The following REM2 variants were observed in gnomAD, a reference collection of about 807,000 sequenced individuals.
The protein encoded by REM2 is RRAD and GEM like GTPase 2, also known as GTP-binding protein REM 2.
In REM2, 24 loss-of-function variants were observed where a neutral mutation model predicts 24.4. The observed-to-expected ratio is 0.98, with a 90% CI of 0.71 to 1.38. REM2 has a LOEUF of 1.38. Ranked by LOEUF, REM2 falls within the 40% of genes most tolerant of loss-of-function variation. The pLI is 0.00. For synonymous variants in REM2, 187 were observed against 198.0 expected, an observed-to-expected ratio of 0.94 and a Z score of 0.47; for missense variants, 429 against 467.8, an observed-to-expected ratio of 0.92 and a Z score of 0.77.
chr14:22,884,863 C>T lies in REM2; in HGVS notation c.293C>T (p.Ser98Phe), dbSNP rs750382226. 3.7e-6 allele frequency: 6 copies of T among 1,613,970 alleles called. No individual in the cohort carries two copies. The highest frequency in any genetic ancestry group is 5.1e-6 in the Non-Finnish European group (6 of 1,179,864). ...CCTCAGGCCTCATCCTCTGGCTCGT[C>T]TGACTCCTTGGGCTCAGGGGAGGCA... Reference protein sequence around the residue: ...WPPQASSSGSSDSLGSGEAAP... With the variant: ...WPPQASSSGSFDSLGSGEAAP... The change falls in exon 2 of 5, where the codon TCT becomes TTT. Residue 98 changes from serine (S) to phenylalanine (F), a missense_variant. Ser to Phe is a radical substitution (Grantham distance 155, BLOSUM62 -2). Coordinates refer to ENST00000267396, the MANE Select transcript of REM2 (RefSeq NM_173527.3).
chr14:22,886,204 G>A lies in REM2; in HGVS notation c.700G>A (p.Ala234Thr). 1 of 1,613,540 alleles carries A rather than the reference G, an allele frequency of 6.2e-7. No homozygotes were observed. Among genetic ancestry groups the A allele is most frequent in the South Asian group, 1.1e-5 (1 of 91,002 alleles). The part of the protein sequence containing the change: ...VILVGNKSDL[A>T]RSREVSLEEG... ...CCTCGTTGGAAACAAGAGCGACTTGGCCCGCTCCCGGGAGGTATCACTGGA... is the reference window on the plus strand; with the variant it reads ...CCTCGTTGGAAACAAGAGCGACTTGACCCGCTCCCGGGAGGTATCACTGGA... Residue 234 changes from alanine to threonine, a missense_variant, in exon 4 of 5, where the codon GCC becomes ACC. Ala to Thr is a moderately conservative substitution (Grantham distance 58, BLOSUM62 0). Coordinates refer to ENST00000267396, the MANE Select transcript of REM2 (RefSeq NM_173527.3). The surrounding 1 kb of genome is among the most constrained non-coding windows in gnomAD (Gnocchi z 5.9).
rs545604741 is a variant in REM2 at position 22,886,346 on chromosome 14, G to C, written c.727+115G>C. On this transcript the variant is annotated intron_variant, in intron 4 of 4. Coordinates refer to ENST00000267396, the MANE Select transcript of REM2 (RefSeq NM_173527.3). The surrounding 1 kb of genome is among the most constrained non-coding windows in gnomAD (Gnocchi z 5.9). ...TCGCGGACGCACTCACTTGCAATCA[G>C]ACCCAGGCTAGGGGGACACTCCCAA... is the stretch of plus-strand genomic sequence containing the variant. 1,858 of 979,342 alleles carry C rather than the reference G, an allele frequency of 1.9e-3. 3 individuals are homozygous for C. The highest frequency in any genetic ancestry group is 2.7e-3 in the Non-Finnish European group (1,701 of 639,344). 60.7% of individuals were successfully genotyped at this position (979,342 alleles called of 1,614,324 possible).
Position 22,886,833 on chromosome 14 carries a change from T to G in REM2, c.947T>G (p.Leu316Arg). The G allele has an allele frequency of 6.5e-7, 1 of 1,548,034 alleles. No homozygotes were observed. Among genetic ancestry groups the G allele is most frequent in the Non-Finnish European group, 8.7e-7 (1 of 1,146,092 alleles). ...CTCACCAAGAAAGCCAAGAGGTTCC[T>G]CGCCAACCTGGTGCCGCGCAACGCC... ...ESLTKKAKRF[L>R]ANLVPRNAKF... Residue 316 changes from leucine to arginine, a missense_variant, in exon 5 of 5, where the codon CTC becomes CGC. Coordinates refer to ENST00000267396, the MANE Select transcript of REM2 (RefSeq NM_173527.3). This position sits in a 1 kb window ranked among gnomAD's most constrained non-coding sequence, Gnocchi z 5.9.
intron 1 of REM2, chr14:22,883,954 A>G (rs1039324205): frequency 1.4e-4 from 126 of 897,188 alleles, no homozygotes; most frequent in Non-Finnish European, 1.7e-4. Flanking sequence ...CTACTGCTCT[A>G]TGAACACAAT....
In REM2 at chr14:22,886,567, G is replaced by A. The variant is rs936710635; in HGVS notation, c.728-47G>A. 7 of 1,435,918 alleles carry A rather than the reference G, an allele frequency of 4.9e-6. No homozygotes were observed. The highest frequency in any genetic ancestry group is 6.4e-6 in the Non-Finnish European group (7 of 1,093,786). 88.9% of individuals were successfully genotyped at this position (1,435,918 alleles called of 1,614,324 possible). A position where few individuals can be genotyped will look rare whatever the true frequency, so the allele number is the denominator to read the frequency against. On this transcript the variant is annotated intron_variant, in intron 4 of 4. Coordinates refer to ENST00000267396, the MANE Select transcript of REM2 (RefSeq NM_173527.3). This position sits in a 1 kb window ranked among gnomAD's most constrained non-coding sequence, Gnocchi z 5.9. ...CCCTCCCTAGACCCACCCTCGCCCC[G>A]GGTCCCGTACAGCCCAGCGGGCGCC...
chr14:22,884,020 G>A (rs185580369), intron 1 of REM2: 38 of 984,692 alleles, frequency 3.9e-5, no homozygotes, highest in African/African-American at 7.0e-5. Flanking sequence ...ATCCAACCAC[G>A]CAATGAGGGA....
At position 22,886,008 on chromosome 14, in the gene REM2, C is replaced by T. The variant is rs201654042; in HGVS notation, c.520-16C>T. The T allele has an allele frequency of 1.2e-6, 2 of 1,609,144 alleles. No individual in the cohort carries two copies. Among genetic ancestry groups the T allele is most frequent in the East Asian group, 2.2e-5 (1 of 44,852 alleles). ...TCCTATGCCTCCAGCCCTAACGTTC[C>T]TCTGCCTGTCTGCAGGGGGATGCAG... On this transcript the variant is annotated splice_polypyrimidine_tract_variant and intron_variant, in intron 3 of 4. Transcript: ENST00000267396. This position sits in a 1 kb window ranked among gnomAD's most constrained non-coding sequence, Gnocchi z 5.9.
chr14:22,884,780 T>TG lies in REM2; in HGVS notation c.211dup (p.Val71GlyfsTer15). ...CCCCCAGACGAAGAGGCAGTATGCC[T>TG]GTCCCCTACAAGCACCAGCTCCGGC... On this transcript the variant is annotated frameshift_variant, in exon 2 of 5. Transcript: ENST00000267396. LOFTEE classifies it high-confidence loss of function. 1 of 1,614,072 alleles carries TG rather than the reference T, an allele frequency of 6.2e-7. No homozygotes were observed. Among genetic ancestry groups the TG allele is most frequent in the Non-Finnish European group, 8.5e-7 (1 of 1,179,900 alleles).
intron 2 of REM2, 24 bp downstream of exon 2, chr14:22,885,039 G>C (rs1370371286): frequency 1.3e-6 from 2 of 1,522,882 alleles, no homozygotes; most frequent in African/African-American, 2.8e-5. Flanking sequence ...CCCTCCAGGG[G>C]TTGAGGGGGC....
In REM2 at chr14:22,887,129, G is replaced by A. The variant is rs1389233026; in HGVS notation, c.*220G>A. 2.2e-5 allele frequency: 9 copies of A among 411,884 alleles called. No individual in the cohort carries two copies. The highest frequency in any genetic ancestry group is 8.7e-5 in the Admixed American group (2 of 22,944). 25.5% of individuals were successfully genotyped at this position (411,884 alleles called of 1,614,324 possible). ...GTTCTCTGGAGCTTTGGGCCTCAGGGCGCCTAGAAGGCGAGGACGCAGACC... is the reference window on the plus strand; with the variant it reads ...GTTCTCTGGAGCTTTGGGCCTCAGGACGCCTAGAAGGCGAGGACGCAGACC... On this transcript the variant is annotated 3_prime_UTR_variant, in exon 5 of 5. Coordinates refer to ENST00000267396, the MANE Select transcript of REM2 (RefSeq NM_173527.3).
chr14:22,884,507 T>C, intron 1 of REM2, 167 bp from the exon 2 acceptor site: 4 of 985,428 alleles, frequency 4.1e-6, no homozygotes, highest in Non-Finnish European at 4.8e-6. Context: ...CTGGAGACTT[T>C]AGTGTAAGAG....
intron 1 of REM2, chr14:22,884,076 TCA>T (rs930599634): frequency 3.5e-5 from 33 of 955,622 alleles, no homozygotes; most frequent in Middle Eastern, 5.3e-4. Flanking sequence ...TCTCTCTCTC[TCA>T]CACACACACA....
chr14:22,883,926 ATCTC>A (rs1380489303), intron 1 of REM2, among the ~76,000 whole-genome samples: 4 of 135,726 alleles, frequency 2.9e-5, no homozygotes, highest in South Asian at 2.4e-4. Flanking sequence ...CACACACACT[ATCTC>A]TCTCTCTCTA....
Position 22,887,065 on chromosome 14 carries a change from C to T in REM2, c.*156C>T, listed in dbSNP as rs1189664719. 1 of 578,724 alleles carries T rather than the reference C, an allele frequency of 1.7e-6. No individual in the cohort carries two copies. The highest frequency in any genetic ancestry group is 4.9e-4 in the Middle Eastern group (1 of 2,040). The allele number at this position is 578,724 out of a possible 1,614,324, so 35.8% of individuals were successfully genotyped here. On this transcript the variant is annotated 3_prime_UTR_variant, in exon 5 of 5. Coordinates refer to ENST00000267396, the MANE Select transcript of REM2 (RefSeq NM_173527.3). ...CCCGGTGTGACCGCCGGGGGCGGCC[C>T]GGGGCCGCTCGGCGGCACCTCCACA...
At position 22,886,327 on chromosome 14, in the gene REM2, A is replaced by T; in HGVS notation, c.727+96A>T. On this transcript the variant is annotated intron_variant, in intron 4 of 4. Transcript: ENST00000267396. The surrounding 1 kb of genome is among the most constrained non-coding windows in gnomAD (Gnocchi z 5.9). ...CCCTAAGGCCTTTTTACCATCGCGG[A>T]CGCACTCACTTGCAATCAGACCCAG... The T allele has an allele frequency of 8.6e-7, 1 of 1,165,948 alleles. No individual in the cohort carries two copies. Among genetic ancestry groups the T allele is most frequent in the Non-Finnish European group, 1.2e-6 (1 of 801,574 alleles). The allele number at this position is 1,165,948 out of a possible 1,614,324, so 72.2% of individuals were successfully genotyped here.
chr14:22,884,356 G>A, intron 1 of REM2: 2 of 985,454 alleles, frequency 2.0e-6, no homozygotes, highest in Non-Finnish European at 2.4e-6. Context: ...CTAGTCTGGG[G>A]GTTTGCCTGT....
chr14:22,885,748 A>AAT (rs1470620379), intron 3 of REM2, among the ~76,000 whole-genome samples: 1 of 152,234 alleles, frequency 6.6e-6, no homozygotes, highest in Admixed American at 6.5e-5. Context: ...ACTATGTAGA[A>AAT]ATAAGAGGCC....
chr14:22,885,349 A>C lies in REM2; in HGVS notation c.519+10A>C. Reference sequence around the variant, plus strand: ...TGACATCTGGGAACAGGTGAGAACTAAGATGTGGCTGCAGGCAGGTGATGA... The same window carrying C: ...TGACATCTGGGAACAGGTGAGAACTCAGATGTGGCTGCAGGCAGGTGATGA... On this transcript the variant is annotated intron_variant, in intron 3 of 4. Coordinates refer to ENST00000267396, the MANE Select transcript of REM2 (RefSeq NM_173527.3). 3 of 1,605,108 alleles carry C rather than the reference A, an allele frequency of 1.9e-6. No individual in the cohort carries two copies. The highest frequency in any genetic ancestry group is 2.6e-6 in the Non-Finnish European group (3 of 1,171,794).
chr14:22,885,760 A>C (rs978163790), intron 3 of REM2, among the ~76,000 whole-genome samples: 2 of 152,230 alleles, frequency 1.3e-5, no homozygotes, highest in African/African-American at 4.8e-5. Context: ...TAAGAGGCCA[A>C]ATTACAGACG....
Sources: gnomAD v4.1 joint callset for allele counts (sites outside exome capture counted in the v4.1 genomes callset) on GRCh38, gnomAD v4.1.1 for gene constraint, Gnocchi (gnomAD v3.1) non-coding constraint, MANE v1.5 for transcripts, NCBI Gene and HGNC (gene_info 2026-07-23, HGNC 2026-07-21) for gene names.